Variants in GLDC observed in about 807,000 individuals in gnomAD.
GLDC encodes the protein glycine decarboxylase.
In GLDC, 104 loss-of-function variants were observed where a neutral mutation model predicts 121.3. The ratio of observed to expected loss-of-function variants is 0.86; its 90% confidence interval spans 0.73 to 1.01. The LOEUF (loss-of-function observed/expected upper bound fraction) is 1.01. GLDC is among the 50% of genes least tolerant of loss of function. GLDC has a pLI of 0.00. For missense variants in GLDC, 1,429 were observed against 1,306.6 expected (o/e 1.09, Z -1.44); for synonymous variants, 546 against 480.6 (o/e 1.14, Z -1.78).
Position 6,593,608 on chromosome 9 carries a change from A to G in GLDC, c.1262-618T>C, listed in dbSNP as rs186434262. The stretch of plus-strand genomic sequence containing the variant: ...TGAACCACCACACCTGGTCTCATCT[A>G]TGCTTTCCTATAGATCACTATTTTA... On this transcript the variant is annotated intron_variant, in intron 9 of 24. Transcript: ENST00000321612. Among the ~76,000 whole-genome samples the G allele has an allele frequency of 3.3e-5, 5 of 151,664 alleles. No individual in the cohort carries two copies. The East Asian group carries it at 5.8e-4, about 18-fold the overall frequency.
Position 6,533,164 on chromosome 9 carries a change from C to T in GLDC, c.2920-4G>A, listed in dbSNP as rs1185093844. 2.5e-6 allele frequency: 4 copies of T among 1,613,496 alleles called. No homozygotes were observed. The Admixed American group carries it at 6.7e-5, about 27-fold the overall frequency. ...TGTTCTCTGGTTTCACGAAGGGCTG[C>T]AAAGGACAAAAGATGGAAATGCTGT... On this transcript the variant is annotated splice_region_variant and splice_polypyrimidine_tract_variant and intron_variant, in intron 24 of 24. Transcript: ENST00000321612.
intron 22 of GLDC, among the ~76,000 whole-genome samples, chr9:6,538,690 C>T (rs912886689): frequency 3.9e-5 from 6 of 152,218 alleles, no homozygotes; most frequent in African/African-American, 1.4e-4. Flanking sequence ...TGGGTGGTGA[C>T]TTCAGTTACC....
chr9:6,544,935 A>C (rs1458686884), intron 21 of GLDC, among the ~76,000 whole-genome samples: 3 of 152,084 alleles, frequency 2.0e-5, no homozygotes, highest in African/African-American at 4.8e-5. Flanking sequence ...CACTGTCTCT[A>C]CTAAAAATAC....
intron 7 of GLDC, among the ~76,000 whole-genome samples, chr9:6,604,086 C>A (rs770674509): frequency 6.6e-6 from 1 of 151,780 alleles, no homozygotes; most frequent in Non-Finnish European, 1.5e-5. Flanking sequence ...TGAACATCTA[C>A]GTTTTTAATC....
intron 20 of GLDC, 54 bp downstream of exon 20, chr9:6,553,314 G>A (rs914288460): frequency 2.6e-6 from 4 of 1,535,234 alleles, no homozygotes; most frequent in African/African-American, 1.4e-5. Flanking sequence ...CGGTCCCCAT[G>A]CATGCCTGAC....
At chr9:6,600,312 C>T (rs1818579370) in intron 8 of GLDC, among the ~76,000 whole-genome samples, 1 of 151,232 alleles carries the variant, frequency 6.6e-6, no homozygotes, top group African/African-American at 2.4e-5. Context: ...AAGGTTGAGG[C>T]TGCAGTGAGC....
At chr9:6,570,239 A>G (rs977208400) in intron 15 of GLDC, among the ~76,000 whole-genome samples, 2 of 152,252 alleles carry the variant, frequency 1.3e-5, no homozygotes, top group South Asian at 4.1e-4. Context: ...GTTCTCAAAT[A>G]GAATGTTGTA....
At chr9:6,636,227 C>T (rs1410920715) in intron 2 of GLDC, among the ~76,000 whole-genome samples, 1 of 151,930 alleles carries the variant, frequency 6.6e-6, no homozygotes, top group Admixed American at 6.6e-5. Context: ...TCGCTTGAAC[C>T]CAGGAGGCGG....
intron 3 of GLDC, among the ~76,000 whole-genome samples, chr9:6,619,978 G>C (rs1819050567): frequency 6.6e-6 from 1 of 152,210 alleles, no homozygotes; most frequent in Admixed American, 6.5e-5. Context: ...TATGGGACTG[G>C]AAGTGGGAAG....
At chr9:6,571,773 G>A (rs182970702) in intron 15 of GLDC, among the ~76,000 whole-genome samples, 1 of 152,134 alleles carries the variant, frequency 6.6e-6, no homozygotes, top group Admixed American at 6.5e-5. Context: ...TGAGCCAGTT[G>A]ACCATGGGTA....
At chr9:6,565,273 G>A in intron 16 of GLDC, 81 bp downstream of exon 16, 2 of 947,220 alleles carry the variant, frequency 2.1e-6, no homozygotes, top group South Asian at 2.6e-5. Context: ...AGGCTTGGAG[G>A]GAGTGTCCCA....
At chr9:6,564,055 C>G (rs1476772117) in intron 16 of GLDC, among the ~76,000 whole-genome samples, 1 of 152,044 alleles carries the variant, frequency 6.6e-6, no homozygotes, top group Admixed American at 6.6e-5. Flanking sequence ...CGAGACTAGC[C>G]TGATCAACAT....
chr9:6,603,668 T>C (rs531124358), intron 7 of GLDC, among the ~76,000 whole-genome samples: 1 of 152,202 alleles, frequency 6.6e-6, no homozygotes, highest in African/African-American at 2.4e-5. Flanking sequence ...AATTTTTTTT[T>C]CTAAATTTCC....
rs2129885269 is a variant in GLDC, at chr9:6,602,146, C to T, written c.1118G>A (p.Arg373Gln). The T allele has an allele frequency of 1.9e-6, 3 of 1,613,340 alleles. No homozygotes were observed. Among genetic ancestry groups the T allele is most frequent in the African/African-American group, 1.3e-5 (1 of 75,018 alleles). Residue 373 changes from arginine (R) to glutamine (Q), a missense_variant, in exon 8 of 25, where the codon CGG becomes CAG. Coordinates refer to ENST00000321612, the MANE Select transcript of GLDC (RefSeq NM_000170.3). ...GATGTTGCTGGTAGCCTTGTCTCTC[C>T]GAATGTGTTGCTCCCTGGTTTGAAG... The part of the protein sequence containing the change: ...LALQTREQHI[R>Q]RDKATSNICT...
At chr9:6,639,846 C>G (rs994403368) in intron 2 of GLDC, among the ~76,000 whole-genome samples, 5 of 152,062 alleles carry the variant, frequency 3.3e-5, no homozygotes, top group African/African-American at 1.2e-4. Flanking sequence ...GTTAGACTTA[C>G]AGAGAAAGCC....
intron 11 of GLDC, 137 bp from the exon 12 acceptor site, chr9:6,589,429 T>G (rs1408586939): frequency 5.4e-6 from 2 of 369,586 alleles, no homozygotes; most frequent in African/African-American, 4.4e-5. Flanking sequence ...ATTTATTTAT[T>G]TATTTATTTA....
chr9:6,605,485 C>T, intron 5 of GLDC: 1 of 614,742 alleles, frequency 1.6e-6, no homozygotes, highest in Non-Finnish European at 3.0e-6. Flanking sequence ...TTCTGTTCCT[C>T]TCTTCTATCC....
chr9:6,591,699 C>G, intron 11 of GLDC: 1 of 199,672 alleles, frequency 5.0e-6, no homozygotes, highest in Non-Finnish European at 1.0e-5. Flanking sequence ...ATTCTCCCAC[C>G]TCAGCCTCCT....
intron 15 of GLDC, among the ~76,000 whole-genome samples, chr9:6,579,799 C>T (rs1426004459): frequency 1.3e-5 from 2 of 152,196 alleles, no homozygotes; most frequent in Non-Finnish European, 1.5e-5. Flanking sequence ...GCTGGCTGCC[C>T]GGGCAACCTG....
Sources: gnomAD v4.1 joint callset for allele counts (sites outside exome capture counted in the v4.1 genomes callset) on GRCh38, gnomAD v4.1.1 for gene constraint, MANE v1.5 for transcripts, NCBI Gene and HGNC (gene_info 2026-07-23, HGNC 2026-07-21) for gene names.